ST6GALNAC3: variants seen among roughly 807,000 people sequenced by gnomAD.
ST6GALNAC3 encodes the protein ST6 N-acetylgalactosaminide alpha-2,6-sialyltransferase 3.
ST6GALNAC3 carries 25 observed loss-of-function variants against 32.7 expected under a neutral mutation model. That is an observed-to-expected ratio of 0.76 (90% CI 0.56 to 1.07). The LOEUF (loss-of-function observed/expected upper bound fraction) is 1.07, where lower values mean the gene tolerates loss of function less well. Ranked by LOEUF, ST6GALNAC3 falls within the 50% of genes least tolerant of loss-of-function variation. The pLI, the probability that ST6GALNAC3 is intolerant of heterozygous loss-of-function variation, is 0.00. For synonymous variants in ST6GALNAC3, 129 were observed against 133.1 expected (o/e 0.97, Z 0.21); for missense variants, 355 against 382.4 (o/e 0.93, Z 0.60).
rs184229075 is a variant in ST6GALNAC3 at position 76,553,648 on chromosome 1, T to C, written c.624-73804T>C. On this transcript the variant is annotated intron_variant, in intron 3 of 4. Coordinates refer to ENST00000328299, the MANE Select transcript of ST6GALNAC3 (RefSeq NM_152996.4). ...TGATGGAAAATGTGTCTGCTCTTAT[T>C]CCCTTACAGCCACTTTGTTTTCTCT... Among the ~76,000 whole-genome samples, 53 of 151,080 alleles carry C rather than the reference T, an allele frequency of 3.5e-4. No individual in the cohort carries two copies. The East Asian group carries it at 9.2e-3, about 26-fold the overall frequency.
intron 1 of ST6GALNAC3, among the ~76,000 whole-genome samples, chr1:76,162,553 C>T (rs59957356): frequency 6.6e-6 from 1 of 152,068 alleles, no homozygotes; most frequent in African/African-American, 2.4e-5. Context: ...ATGGTACTGA[C>T]CTTACAGTGT....
At chr1:76,623,986 A>C (rs1648806185) in intron 3 of ST6GALNAC3, among the ~76,000 whole-genome samples, 2 of 152,028 alleles carry the variant, frequency 1.3e-5, no homozygotes, top group South Asian at 2.1e-4. Flanking sequence ...ATTAGCTCCA[A>C]ATAGTTAGAG....
chr1:76,468,405 C>T (rs1658794171), intron 3 of ST6GALNAC3, among the ~76,000 whole-genome samples: 1 of 151,998 alleles, frequency 6.6e-6, no homozygotes, highest in African/African-American at 2.4e-5. Context: ...ATTCTTTAGG[C>T]TTGACCTTTG....
chr1:76,496,553 C>T, intron 3 of ST6GALNAC3, among the ~76,000 whole-genome samples: 1 of 152,242 alleles, frequency 6.6e-6, no homozygotes, highest in Admixed American at 6.5e-5. Flanking sequence ...TGGACAGGCC[C>T]ATGCTGTGCC....
chr1:76,540,427 T>C (rs371864756), intron 3 of ST6GALNAC3, among the ~76,000 whole-genome samples: 39 of 152,244 alleles, frequency 2.6e-4, no homozygotes, highest in African/African-American at 8.7e-4. Context: ...TGACACACTA[T>C]ACCTATGTAA....
intron 1 of ST6GALNAC3, among the ~76,000 whole-genome samples, chr1:76,112,446 G>T (rs531045071): frequency 4.2e-3 from 601 of 143,072 alleles, no homozygotes; most frequent in African/African-American, 0.015. Context: ...CCTTCCGGAC[G>T]GGGCGGCTGG....
chr1:76,145,409 G>A (rs2100302265), intron 1 of ST6GALNAC3, among the ~76,000 whole-genome samples: 1 of 152,198 alleles, frequency 6.6e-6, no homozygotes, highest in African/African-American at 2.4e-5. Flanking sequence ...TAGCAGCATG[G>A]GCATCACCAG....
chr1:76,480,574 G>T (rs748104547), intron 3 of ST6GALNAC3, among the ~76,000 whole-genome samples: 4 of 152,048 alleles, frequency 2.6e-5, no homozygotes, highest in Non-Finnish European at 5.9e-5. Flanking sequence ...GCCTCTAGCT[G>T]CTATCATCCT....
At chr1:76,213,046 G>C (rs1655255313) in intron 1 of ST6GALNAC3, among the ~76,000 whole-genome samples, 1 of 152,178 alleles carries the variant, frequency 6.6e-6, no homozygotes. Context: ...AATTCAAGCT[G>C]TTCTATTTTT....
intron 1 of ST6GALNAC3, among the ~76,000 whole-genome samples, chr1:76,112,100 G>T (rs1473474147): frequency 6.8e-6 from 1 of 146,846 alleles, no homozygotes; most frequent in East Asian, 2.1e-4. Context: ...GGACGGGGCG[G>T]CTGGCCGGGC....
chr1:76,423,258 A>G (rs1655153810), intron 3 of ST6GALNAC3, among the ~76,000 whole-genome samples: 1 of 152,014 alleles, frequency 6.6e-6, no homozygotes, highest in Non-Finnish European at 1.5e-5. Flanking sequence ...TCTAGGAAGT[A>G]TATCTACAAA....
intron 2 of ST6GALNAC3, among the ~76,000 whole-genome samples, chr1:76,376,416 C>G (rs1359199725): frequency 6.6e-6 from 1 of 152,162 alleles, no homozygotes; most frequent in Admixed American, 6.5e-5. Flanking sequence ...ACAGTTCTAT[C>G]ACAAGGATAT....
chr1:76,297,862 C>G (rs1660497254), intron 1 of ST6GALNAC3, among the ~76,000 whole-genome samples: 1 of 151,974 alleles, frequency 6.6e-6, no homozygotes, highest in Admixed American at 6.6e-5. Context: ...ATCTATCTGT[C>G]TATTCCTCAA....
intron 1 of ST6GALNAC3, among the ~76,000 whole-genome samples, chr1:76,116,789 G>A (rs999960126): frequency 2.6e-4 from 39 of 152,124 alleles, no homozygotes; most frequent in Non-Finnish European, 2.8e-4. Flanking sequence ...AAAATTAGCC[G>A]GGCCTGGTGG....
intron 3 of ST6GALNAC3, among the ~76,000 whole-genome samples, chr1:76,586,519 C>G (rs1321096503): frequency 6.6e-6 from 1 of 152,208 alleles, no homozygotes; most frequent in Admixed American, 6.5e-5. Flanking sequence ...CTCCTATTAT[C>G]ACTCATTCTG....
At chr1:76,587,365 C>T (rs1228795421) in intron 3 of ST6GALNAC3, among the ~76,000 whole-genome samples, 2 of 152,190 alleles carry the variant, frequency 1.3e-5, no homozygotes, top group Admixed American at 1.3e-4. Context: ...GGAGACATTA[C>T]TGCTCGATCA....
intron 3 of ST6GALNAC3, among the ~76,000 whole-genome samples, chr1:76,620,106 A>G (rs909291664): frequency 1.3e-5 from 2 of 152,114 alleles, no homozygotes; most frequent in Non-Finnish European, 2.9e-5. Flanking sequence ...TCCAGTGCCC[A>G]GCAACATGCC....
intron 3 of ST6GALNAC3, among the ~76,000 whole-genome samples, chr1:76,430,923 C>T (rs552307491): frequency 6.6e-6 from 1 of 152,088 alleles, no homozygotes; most frequent in Non-Finnish European, 1.5e-5. Flanking sequence ...GATTTCTGAG[C>T]CTTCTGCTTA....
intron 3 of ST6GALNAC3, among the ~76,000 whole-genome samples, chr1:76,461,325 G>A (rs1237732712): frequency 1.3e-5 from 2 of 152,140 alleles, no homozygotes; most frequent in African/African-American, 4.8e-5. Flanking sequence ...CCTGGTGGTT[G>A]CCCGTGGCAG....
Sources: gnomAD v4.1 joint callset for allele counts (sites outside exome capture counted in the v4.1 genomes callset) on GRCh38, gnomAD v4.1.1 for gene constraint, MANE v1.5 for transcripts, NCBI Gene and HGNC (gene_info 2026-07-23, HGNC 2026-07-21) for gene names.